The following EPB41L4A variants were observed in gnomAD, a reference collection of about 807,000 sequenced individuals.
EPB41L4A encodes the protein erythrocyte membrane protein band 4.1 like 4A, also known as band 4.1-like protein 4A.
A neutral mutation model predicts 108.6 loss-of-function variants in EPB41L4A; 100 were observed. The observed-to-expected ratio is 0.92, with a 90% CI of 0.78 to 1.09. The LOEUF (loss-of-function observed/expected upper bound fraction) is 1.09. Among genes scored for constraint, EPB41L4A ranks in the 50% least tolerant of loss-of-function variants. EPB41L4A has a pLI of 0.00. For missense variants in EPB41L4A, 1,030 were observed against 842.7 expected, an observed-to-expected ratio of 1.22 and a Z score of -2.75; for synonymous variants, 319 against 289.0, an observed-to-expected ratio of 1.10 and a Z score of -1.05.
At chr5:112,324,428 T>C (rs912203119) in intron 1 of EPB41L4A, among the ~76,000 whole-genome samples, 3 of 152,086 alleles carry the variant, frequency 2.0e-5, no homozygotes, top group Admixed American at 6.6e-5. Context: ...CTGGTCAACA[T>C]GGTAAAACCC....
At chr5:112,249,036 G>C (rs537655434) in intron 9 of EPB41L4A, 2 of 152,274 alleles carry the variant, frequency 1.3e-5, no homozygotes, top group Admixed American at 1.3e-4. Context: ...CACATTAGAA[G>C]TAACCCAAGA....
At position 112,234,709 on chromosome 5, in the gene EPB41L4A, G is replaced by T. The variant is rs748260195; in HGVS notation, c.1012C>A (p.Pro338Thr). The change falls in exon 12 of 23, where the codon CCC becomes ACC. Residue 338 changes from proline (P) to threonine (T), a missense_variant. By Grantham distance (38) the Pro-to-Thr change is conservative (BLOSUM62 -1). Coordinates refer to ENST00000261486, the MANE Select transcript of EPB41L4A (RefSeq NM_022140.5). ...CTTGTCACATTCTGATCAGGCCGGG[G>T]AAGCTGAATAGAAAGATCTCGGCTC... ...QMSRDLSIQL[P>T]RPDQNVTRSR... The T allele has an allele frequency of 6.2e-7, 1 of 1,613,442 alleles. No individual in the cohort carries two copies. Among genetic ancestry groups the T allele is most frequent in the African/African-American group, 1.3e-5 (1 of 75,030 alleles).
At chr5:112,167,458 G>A (rs774735079) in intron 22 of EPB41L4A, among the ~76,000 whole-genome samples, 1 of 152,072 alleles carries the variant, frequency 6.6e-6, no homozygotes, top group African/African-American at 2.4e-5. Flanking sequence ...ATTCTAGACT[G>A]AGGCATTCAT....
chr5:112,158,534 A>T (rs1362010138), downstream of EPB41L4A: 1 of 217,588 alleles, frequency 4.6e-6, no homozygotes, highest in Non-Finnish European at 9.6e-6. Context: ...TCACTGCATT[A>T]GTCCATTCTC....
At chr5:112,405,475 A>AG (rs1388361581) in intron 1 of EPB41L4A, among the ~76,000 whole-genome samples, 1 of 152,236 alleles carries the variant, frequency 6.6e-6, no homozygotes, top group Admixed American at 6.5e-5. Context: ...ATAATGCAGG[A>AG]GCAAAATTTG....
chr5:112,344,994 T>A (rs1486198491), intron 1 of EPB41L4A, among the ~76,000 whole-genome samples: 1 of 152,272 alleles, frequency 6.6e-6, no homozygotes, highest in African/African-American at 2.4e-5. Flanking sequence ...GGTAACTATA[T>A]TATTTCCTCA....
intron 1 of EPB41L4A, among the ~76,000 whole-genome samples, chr5:112,369,912 T>A (rs542023776): frequency 1.3e-5 from 2 of 152,338 alleles, no homozygotes; most frequent in Admixed American, 1.3e-4. Context: ...GCTTCCCACC[T>A]CTGAGGTGTA....
rs1047718138 is a variant in EPB41L4A, at chr5:112,361,087, G to A, written c.100-53597C>T. Among the ~76,000 whole-genome samples the A allele has an allele frequency of 2.0e-5, 3 of 152,286 alleles. No homozygotes were observed. In the South Asian group the frequency reaches 6.2e-4, roughly 32 times the overall value. On this transcript the variant is annotated intron_variant, in intron 1 of 22. Coordinates refer to ENST00000261486, the MANE Select transcript of EPB41L4A (RefSeq NM_022140.5). ...GTTTTGTCAAATAGAAAGGGGGGAA[G>A]TGTGGGGAAAAGAAAGAGAGATCGG...
chr5:112,370,685 C>T (rs1342598462), intron 1 of EPB41L4A, among the ~76,000 whole-genome samples: 2 of 152,158 alleles, frequency 1.3e-5, no homozygotes, highest in Non-Finnish European at 2.9e-5. Flanking sequence ...GAGGCTGAGG[C>T]GGGCAGATCA....
intron 1 of EPB41L4A, among the ~76,000 whole-genome samples, chr5:112,405,034 T>C (rs767471317): frequency 2.7e-4 from 41 of 152,312 alleles, no homozygotes; most frequent in Admixed American, 4.6e-4. Context: ...GCCCTTGTTT[T>C]CATACCCTTG....
chr5:112,275,733 G>A (rs1460151666), intron 3 of EPB41L4A, among the ~76,000 whole-genome samples: 1 of 126,730 alleles, frequency 7.9e-6, no homozygotes, highest in East Asian at 2.2e-4. Context: ...AAAAATAAAT[G>A]GTTTAAAAAA....
At chr5:112,229,166 ACCC>A (rs920158641) in intron 12 of EPB41L4A, among the ~76,000 whole-genome samples, 4 of 152,110 alleles carry the variant, frequency 2.6e-5, no homozygotes, top group Non-Finnish European at 5.9e-5. Flanking sequence ...AAAAGTAATA[ACCC>A]CCATCACGAC....
At position 112,272,717 on chromosome 5, in the gene EPB41L4A, G is replaced by A. The variant is rs191908943; in HGVS notation, c.335+2609C>T. ...AATCACTTGAACATAGGAGGCAAAG[G>A]TTGCAGTGAGCTGAGATTGCACCAC... On this transcript the variant is annotated intron_variant, in intron 4 of 22. Coordinates refer to ENST00000261486, the MANE Select transcript of EPB41L4A (RefSeq NM_022140.5). Among the ~76,000 whole-genome samples, 138 of 141,532 alleles carry A rather than the reference G, an allele frequency of 9.8e-4. No homozygotes were observed. In the East Asian group the frequency reaches 0.023, roughly 24 times the overall value. The allele number at this position is 141,532 out of a possible 152,430, so 92.9% of individuals were successfully genotyped here.
chr5:112,267,752 T>C (rs986252162), intron 4 of EPB41L4A, among the ~76,000 whole-genome samples: 9 of 152,080 alleles, frequency 5.9e-5, no homozygotes, highest in East Asian at 1.9e-4. Context: ...ATTCTTAAGA[T>C]GTAAACAGGA....
At chr5:112,331,568 G>T (rs1756568818) in intron 1 of EPB41L4A, among the ~76,000 whole-genome samples, 1 of 152,194 alleles carries the variant, frequency 6.6e-6, no homozygotes, top group Non-Finnish European at 1.5e-5. Context: ...AGAAATACTT[G>T]GTGCCTGGGG....
At chr5:112,370,787 TGCCTGTAGTCCCAGCTACTCAGGA>T (rs1220562772) in intron 1 of EPB41L4A, among the ~76,000 whole-genome samples, 8 of 152,200 alleles carry the variant, frequency 5.3e-5, no homozygotes, top group South Asian at 2.1e-4. Flanking sequence ...TGGTGGCACA[TGCCTGTAGTCCCAGCTACTCAGGA>T]GCCTGTAGTC....
intron 1 of EPB41L4A, among the ~76,000 whole-genome samples, chr5:112,350,194 C>A (rs1757954779): frequency 6.6e-6 from 1 of 152,176 alleles, no homozygotes. Flanking sequence ...TGGCTAGAAG[C>A]TACCATGCTA....
At chr5:112,358,048 T>C (rs1455689144) in intron 1 of EPB41L4A, among the ~76,000 whole-genome samples, 1 of 152,046 alleles carries the variant, frequency 6.6e-6, no homozygotes, top group East Asian at 1.9e-4. Context: ...GCAAAGGACT[T>C]CTTCTCATGA....
intron 1 of EPB41L4A, among the ~76,000 whole-genome samples, chr5:112,321,825 A>C (rs1255161569): frequency 6.6e-6 from 1 of 152,208 alleles, no homozygotes; most frequent in Non-Finnish European, 1.5e-5. Flanking sequence ...GGTGCATACT[A>C]CTTTTTGCCA....
Sources: allele counts gnomAD v4.1 joint callset (sites outside exome capture counted in the v4.1 genomes callset), GRCh38; gene constraint gnomAD v4.1.1; transcripts MANE v1.5; gene names NCBI Gene and HGNC (gene_info 2026-07-23, HGNC 2026-07-21).